Variants in ERG observed in about 807,000 individuals in gnomAD.
The protein encoded by ERG is ETS transcription factor ERG, also known as transcriptional regulator ERG.
Under a neutral mutation model 55.3 loss-of-function variants are expected in ERG, and 9 were observed. The ratio of observed to expected loss-of-function variants is 0.16; its 90% CI spans 0.10 to 0.28. The LOEUF is 0.28. ERG is among the 10% of genes least tolerant of loss of function. The pLI is 1.00. For missense variants in ERG, 434 were observed against 631.6 expected, an observed-to-expected ratio of 0.69 and a Z score of 3.35; for synonymous variants, 223 against 237.3, an observed-to-expected ratio of 0.94 and a Z score of 0.55.
intron 1 of ERG, among the ~76,000 whole-genome samples, chr21:38,592,053 T>C (rs2060103603): frequency 6.6e-6 from 1 of 152,058 alleles, no homozygotes; most frequent in Non-Finnish European, 1.5e-5. Flanking sequence ...AGCACAATGG[T>C]GGGGTCAGTT....
chr21:38,394,298 A>G (rs1988105961), intron 6 of ERG, among the ~76,000 whole-genome samples: 1 of 152,168 alleles, frequency 6.6e-6, no homozygotes, highest in Non-Finnish European at 1.5e-5. Context: ...GTAGCTTGCT[A>G]GAAATGCAGA....
At chr21:38,588,450 T>C (rs568083187), upstream of ERG, among the ~76,000 whole-genome samples, 1 of 152,150 alleles carries the variant, frequency 6.6e-6, no homozygotes, top group South Asian at 2.1e-4. Flanking sequence ...CATCAGGAAA[T>C]CTGGACTGGA....
At chr21:38,456,356 T>C (rs547208370) in intron 1 of ERG, among the ~76,000 whole-genome samples, 18 of 152,320 alleles carry the variant, frequency 1.2e-4, no homozygotes, top group African/African-American at 4.3e-4. Flanking sequence ...GTTATGTTTT[T>C]AAGTGTGGAA....
chr21:38,376,897 G>A (rs544951843), downstream of ERG, among the ~76,000 whole-genome samples: 29 of 152,188 alleles, frequency 1.9e-4, no homozygotes, highest in Non-Finnish European at 3.5e-4. Context: ...AAAACCAAAG[G>A]GCGCAGCAAG....
intron 1 of ERG, among the ~76,000 whole-genome samples, chr21:38,603,626 A>T (rs2146914703): frequency 6.6e-6 from 1 of 152,122 alleles, no homozygotes; most frequent in Admixed American, 6.5e-5. Flanking sequence ...TTTGCAAGAA[A>T]AATCACCAAC....
intron 1 of ERG, among the ~76,000 whole-genome samples, chr21:38,626,271 T>G (rs2060324254): frequency 6.6e-6 from 1 of 152,200 alleles, no homozygotes; most frequent in Non-Finnish European, 1.5e-5. Flanking sequence ...GTGGAAGGAC[T>G]GAATTCTGAG....
intron 1 of ERG, among the ~76,000 whole-genome samples, chr21:38,617,525 A>G (rs770118428): frequency 2.6e-5 from 4 of 152,234 alleles, no homozygotes; most frequent in Admixed American, 6.5e-5. Flanking sequence ...AATTATATCC[A>G]TGCTTTCATT....
chr21:38,371,783 G>T, the ERG span, among the ~76,000 whole-genome samples: 1 of 151,786 alleles, frequency 6.6e-6, no homozygotes, highest in Non-Finnish European at 1.5e-5. Flanking sequence ...TAAAATTTTT[G>T]CATCTTGCAT....
chr21:38,376,881 C>A (rs947626935), downstream of ERG, among the ~76,000 whole-genome samples: 6 of 152,214 alleles, frequency 3.9e-5, no homozygotes, highest in Non-Finnish European at 8.8e-5. Context: ...GCAGCACTCC[C>A]GCCCTAAAAC....
chr21:38,484,333 C>A (rs550954292), intron 1 of ERG, among the ~76,000 whole-genome samples: 1 of 152,122 alleles, frequency 6.6e-6, no homozygotes, highest in South Asian at 2.1e-4. Context: ...TGCTCACCTC[C>A]CCTAAAGAAT....
intron 1 of ERG, among the ~76,000 whole-genome samples, chr21:38,651,031 T>C (rs1004036328): frequency 6.6e-6 from 1 of 152,264 alleles, no homozygotes; most frequent in Non-Finnish European, 1.5e-5. Context: ...ATAGAGGATA[T>C]TCAAATAGCA....
At chr21:38,472,847 G>T (rs1407480516) in intron 1 of ERG, among the ~76,000 whole-genome samples, 1 of 152,214 alleles carries the variant, frequency 6.6e-6, no homozygotes, top group Admixed American at 6.5e-5. Flanking sequence ...CTTGTCGTTT[G>T]TCTGCCCTGT....
Position 38,406,246 on chromosome 21 carries a change from TC to T in ERG, c.389-2538del, listed in dbSNP as rs1037556405. Among the ~76,000 whole-genome samples, 6 of 149,438 alleles carry T rather than the reference TC, an allele frequency of 4.0e-5. No individual in the cohort carries two copies. The Admixed American group carries it at 4.0e-4, about 10-fold the overall frequency. On this transcript the variant is annotated intron_variant, in intron 3 of 9. Transcript: ENST00000288319. Reference sequence around the variant, plus strand: ...CTACAGAGAGAATATCAACAAAAACTCCAACGGCAGTGATGACAGAAAAGTG... The same window carrying T: ...CTACAGAGAGAATATCAACAAAAACTCAACGGCAGTGATGACAGAAAAGTG...
chr21:38,406,890 C>T (rs1160503183), intron 3 of ERG, among the ~76,000 whole-genome samples: 1 of 152,160 alleles, frequency 6.6e-6, no homozygotes, highest in African/African-American at 2.4e-5. Flanking sequence ...CTGGCCCATT[C>T]AGTTTTCCTT....
At chr21:38,402,761 C>T in intron 4 of ERG, 124 bp from the exon 5 acceptor site, 1 of 681,004 alleles carries the variant, frequency 1.5e-6, no homozygotes, top group Non-Finnish European at 2.4e-6. Context: ...AAAACCGTTC[C>T]CCCACTCCCA....
intron 2 of ERG, among the ~76,000 whole-genome samples, chr21:38,541,911 TA>T (rs1234690961): frequency 9.7e-6 from 1 of 102,752 alleles, no homozygotes; most frequent in Non-Finnish European, 2.2e-5. Flanking sequence ...TCCTGGAACG[TA>T]AAATTAAATT....
At chr21:38,608,233 T>C (rs1419920116) in intron 1 of ERG, among the ~76,000 whole-genome samples, 4 of 152,190 alleles carry the variant, frequency 2.6e-5, no homozygotes, top group Non-Finnish European at 5.9e-5. Context: ...AAGTTTAACA[T>C]ACATTTACTG....
chr21:38,376,712 C>T (rs1334113941), downstream of ERG, among the ~76,000 whole-genome samples: 1 of 152,270 alleles, frequency 6.6e-6, no homozygotes, highest in Non-Finnish European at 1.5e-5. Flanking sequence ...AATCCTGAGG[C>T]CGCTGTATGG....
chr21:38,505,831 G>T (rs1723162167), intron 2 of ERG, among the ~76,000 whole-genome samples: 1 of 152,122 alleles, frequency 6.6e-6, no homozygotes, highest in South Asian at 2.1e-4. Context: ...AGTCGTGCAG[G>T]GAAGTTCCCT....
Sources: gnomAD v4.1 joint callset for allele counts (sites outside exome capture counted in the v4.1 genomes callset) on GRCh38, gnomAD v4.1.1 for gene constraint, MANE v1.5 for transcripts, NCBI Gene and HGNC (gene_info 2026-07-23, HGNC 2026-07-21) for gene names.